INPP4B: variants seen among roughly 807,000 people sequenced by gnomAD.
INPP4B encodes inositol polyphosphate-4-phosphatase type II B.
A neutral mutation model predicts 122.5 loss-of-function variants in INPP4B; 55 were observed. That is an observed-to-expected ratio of 0.45 (90% CI 0.36 to 0.56). The LOEUF (loss-of-function observed/expected upper bound fraction) is 0.56. Among genes scored for constraint, INPP4B ranks in the 20% least tolerant of loss-of-function variants. The pLI is 0.00. For synonymous variants in INPP4B, 403 were observed against 388.7 expected, an observed-to-expected ratio of 1.04 and a Z score of -0.43; for missense variants, 1,000 against 1,097.7, an observed-to-expected ratio of 0.91 and a Z score of 1.26.
At position 142,489,234 on chromosome 4, in the gene INPP4B, T is replaced by G. The variant is rs1395018617; in HGVS notation, c.-190-26508A>C. ...CTACAGAAAACTGCTCTGCAAAATG[T>G]CTATTTTTAAAAAATTACTGAAACC... On this transcript the variant is annotated intron_variant, in intron 2 of 25. Coordinates refer to ENST00000262992, the MANE Select transcript of INPP4B (RefSeq NM_001101669.3). 1.3e-5 allele frequency among the ~76,000 whole-genome samples: 2 copies of G among 152,180 alleles called. 1 individual carries two copies. The highest frequency in any genetic ancestry group is 4.1e-4 in the South Asian group (2 of 4,834).
intron 11 of INPP4B, among the ~76,000 whole-genome samples, chr4:142,245,166 A>G (rs569175809): frequency 2.6e-5 from 4 of 152,102 alleles, no homozygotes; most frequent in Non-Finnish European, 5.9e-5. Flanking sequence ...CCCATTCTTT[A>G]GGTTGCCTGT....
chr4:142,229,258 G>A (rs1853045393), intron 12 of INPP4B, among the ~76,000 whole-genome samples: 1 of 151,986 alleles, frequency 6.6e-6, no homozygotes, highest in Admixed American at 6.6e-5. Flanking sequence ...AAATCATACT[G>A]TAGGGAACCA....
chr4:142,436,635 G>A (rs185557337), intron 3 of INPP4B, among the ~76,000 whole-genome samples: 16 of 152,152 alleles, frequency 1.1e-4, no homozygotes, highest in African/African-American at 3.4e-4. Flanking sequence ...GGCCTGAAGT[G>A]AACCTCCAGC....
At chr4:142,282,194 C>T (rs931945940) in intron 9 of INPP4B, among the ~76,000 whole-genome samples, 6 of 152,008 alleles carry the variant, frequency 3.9e-5, no homozygotes, top group Admixed American at 3.9e-4. Flanking sequence ...TTTGAACACA[C>T]ACCTAAAGTG....
intron 5 of INPP4B, among the ~76,000 whole-genome samples, chr4:142,423,435 T>TA (rs1807360645): frequency 6.6e-6 from 1 of 152,084 alleles, no homozygotes; most frequent in Non-Finnish European, 1.5e-5. Context: ...CTAAATGGGC[T>TA]ACTAAAATAC....
rs1763008274 is a variant in INPP4B at position 142,305,533 on chromosome 4, C to T, written c.428G>A (p.Ser143Asn). ...TTTAAAACTGGCATAGCCCAAGAAACTTCGCTGAAAATAACAGAAAGAATG... is the reference window on the plus strand; with the variant it reads ...TTTAAAACTGGCATAGCCCAAGAAATTTCGCTGAAAATAACAGAAAGAATG... ...HKDPPPEVGR[S>N]FLGYASFKVG... The change falls in exon 9 of 26, where the codon AGT becomes AAT. Residue 143 changes from serine to asparagine, a missense_variant. Ser to Asn is a conservative substitution (Grantham distance 46). Transcript: ENST00000262992. 11 of 1,611,066 alleles carry T rather than the reference C, an allele frequency of 6.8e-6. No homozygotes were observed. The highest frequency in any genetic ancestry group is 8.5e-6 in the Non-Finnish European group (10 of 1,178,778).
chr4:142,764,837 G>A (rs1443263536), intron 1 of INPP4B, among the ~76,000 whole-genome samples: 7 of 151,926 alleles, frequency 4.6e-5, no homozygotes, highest in Admixed American at 4.6e-4. Context: ...CGGAGGTTAA[G>A]GCTAGACCAT....
chr4:142,059,438 T>C (rs1318237096), intron 25 of INPP4B, among the ~76,000 whole-genome samples: 1 of 152,096 alleles, frequency 6.6e-6, no homozygotes, highest in Non-Finnish European at 1.5e-5. Flanking sequence ...AAAGACTTAA[T>C]CTATCATCAT....
At chr4:142,354,430 T>TC in intron 7 of INPP4B, among the ~76,000 whole-genome samples, 1 of 152,070 alleles carries the variant, frequency 6.6e-6, no homozygotes, top group African/African-American at 2.4e-5. Context: ...GATTCTTGTG[T>TC]CCCCCACAGA....
chr4:142,027,135 CA>C lies in INPP4B; in HGVS notation c.*1646del, dbSNP rs1737252367. 2 of 152,138 alleles carry C rather than the reference CA, an allele frequency of 1.3e-5. No homozygotes were observed. The highest frequency in any genetic ancestry group is 4.8e-5 in the African/African-American group (2 of 41,428). The allele number at this position is 152,138 out of a possible 1,614,324, so 9.4% of individuals were successfully genotyped here. On this transcript the variant is annotated 3_prime_UTR_variant, in exon 26 of 26. Coordinates refer to ENST00000262992, the MANE Select transcript of INPP4B (RefSeq NM_001101669.3). ...GGATTCAAAGTACACAGCACATTTT[CA>C]TTAAAAAGGCTGTAAGTAGTTTGGT...
intron 1 of INPP4B, among the ~76,000 whole-genome samples, chr4:142,734,663 C>A (rs1766569531): frequency 6.7e-6 from 1 of 149,070 alleles, no homozygotes. Flanking sequence ...TGTTTGTTTT[C>A]AGATGGAGTT....
chr4:142,250,109 G>A (rs1731205535), intron 11 of INPP4B, among the ~76,000 whole-genome samples: 1 of 152,028 alleles, frequency 6.6e-6, no homozygotes, highest in East Asian at 1.9e-4. Flanking sequence ...GTATTTCCAT[G>A]TAATTAAGGT....
chr4:142,153,721 T>C (rs1332599319), intron 17 of INPP4B, among the ~76,000 whole-genome samples: 1 of 152,224 alleles, frequency 6.6e-6, no homozygotes, highest in Non-Finnish European at 1.5e-5. Context: ...ATCCATTCAC[T>C]TATTCCTACA....
chr4:142,207,542 C>T (rs1309046464), intron 14 of INPP4B, among the ~76,000 whole-genome samples: 2 of 152,094 alleles, frequency 1.3e-5, no homozygotes, highest in Non-Finnish European at 2.9e-5. Context: ...TTTTCATGTA[C>T]TTACCCTAAA....
At chr4:142,824,261 T>C (rs1781156367) in intron 1 of INPP4B, among the ~76,000 whole-genome samples, 1 of 148,478 alleles carries the variant, frequency 6.7e-6, no homozygotes, top group African/African-American at 2.5e-5. Flanking sequence ...TAATAAATCC[T>C]CTTTTAACTA....
intron 22 of INPP4B, among the ~76,000 whole-genome samples, chr4:142,109,714 T>C (rs558146651): frequency 1.4e-4 from 22 of 152,202 alleles, no homozygotes; most frequent in Non-Finnish European, 2.6e-4. Flanking sequence ...AATTGCTTTG[T>C]TTTATGCACT....
At chr4:142,418,811 G>A (rs1806280583) in intron 5 of INPP4B, among the ~76,000 whole-genome samples, 1 of 152,102 alleles carries the variant, frequency 6.6e-6, no homozygotes, top group Non-Finnish European at 1.5e-5. Context: ...TTAACTAGGG[G>A]AGTAAAGAAA....
chr4:142,403,114 C>T (rs1183471687), intron 6 of INPP4B, 60 bp from the exon 7 acceptor site: 14 of 870,234 alleles, frequency 1.6e-5, no homozygotes, highest in Admixed American at 1.1e-4. Context: ...GTTGGCAGCA[C>T]GCAAGTGACA....
Position 142,240,081 on chromosome 4 carries a change from T to G in INPP4B, c.689-2070A>C, listed in dbSNP as rs1858594039. On this transcript the variant is annotated intron_variant, in intron 11 of 25. Coordinates refer to ENST00000262992, the MANE Select transcript of INPP4B (RefSeq NM_001101669.3). ...TTAGTTTATTGTTTTCTTTTTTTTT[T>G]TTTTTGAGACAGGGTCTCATTCTGT... 2.6e-5 allele frequency among the ~76,000 whole-genome samples: 4 copies of G among 151,568 alleles called. No homozygotes were observed. In the South Asian group the frequency reaches 8.3e-4, roughly 31 times the overall value.
Sources: gnomAD v4.1 joint callset for allele counts (sites outside exome capture counted in the v4.1 genomes callset) on GRCh38, gnomAD v4.1.1 for gene constraint, MANE v1.5 for transcripts, NCBI Gene and HGNC (gene_info 2026-07-23, HGNC 2026-07-21) for gene names.